The following RARB variants were observed in gnomAD, a reference collection of about 807,000 sequenced individuals.
RARB encodes HBV-activated protein.
In RARB, 17 loss-of-function variants were observed where a neutral mutation model predicts 51.9. The observed-to-expected ratio is 0.33, with a 90% CI of 0.22 to 0.49. The LOEUF (loss-of-function observed/expected upper bound fraction) is 0.49, where lower values mean the gene tolerates loss of function less well. RARB is among the 20% of genes least tolerant of loss of function. The probability of loss-of-function intolerance (pLI) is 0.99; values close to 1 mark genes in which losing one functional copy is unlikely to be tolerated. For missense variants in RARB, 369 were observed against 550.8 expected, an observed-to-expected ratio of 0.67 and a Z score of 3.30; for synonymous variants, 215 against 195.4, an observed-to-expected ratio of 1.10 and a Z score of -0.84.
chr3:25,295,142 C>T (rs1703887147), intron 5 of RARB, among the ~76,000 whole-genome samples: 2 of 152,164 alleles, frequency 1.3e-5, no homozygotes, highest in Non-Finnish European at 2.9e-5. Context: ...AGCAAGAGCT[C>T]TTAAGTACTT....
At chr3:25,088,417 G>T (rs1485796703) in intron 3 of RARB, among the ~76,000 whole-genome samples, 1 of 152,120 alleles carries the variant, frequency 6.6e-6, no homozygotes, top group Non-Finnish European at 1.5e-5. Context: ...CTTTGTTCAG[G>T]CTGAAAACTT....
At chr3:25,538,246 A>G (rs1417098708) in intron 3 of RARB, among the ~76,000 whole-genome samples, 2 of 152,198 alleles carry the variant, frequency 1.3e-5, no homozygotes, top group Non-Finnish European at 2.9e-5. Context: ...TGGGAGGTTT[A>G]CACCCATTTC....
chr3:25,548,191 A>G (rs182517518), intron 3 of RARB, among the ~76,000 whole-genome samples: 11 of 151,832 alleles, frequency 7.2e-5, no homozygotes, highest in Middle Eastern at 3.4e-3. Flanking sequence ...GACAGAATCA[A>G]TCACTGTGGT....
chr3:25,343,352 C>T (rs1035054613), intron 5 of RARB, among the ~76,000 whole-genome samples: 1 of 152,080 alleles, frequency 6.6e-6, no homozygotes, highest in African/African-American at 2.4e-5. Context: ...CAATTAAACA[C>T]TTACAGTTTT....
chr3:24,846,942 G>C (rs2125333460), intron 1 of RARB, among the ~76,000 whole-genome samples: 1 of 151,838 alleles, frequency 6.6e-6, no homozygotes, highest in East Asian at 1.9e-4. Flanking sequence ...CAGTTGTATT[G>C]ATACACAGGA....
intron 3 of RARB, among the ~76,000 whole-genome samples, chr3:25,100,264 T>G (rs564482625): frequency 6.6e-6 from 1 of 152,256 alleles, no homozygotes; most frequent in South Asian, 2.1e-4. Flanking sequence ...AGGAAATAAA[T>G]GATAAGTAAT....
At chr3:25,206,858 C>T (rs1322728008) in intron 5 of RARB, among the ~76,000 whole-genome samples, 1 of 152,136 alleles carries the variant, frequency 6.6e-6, no homozygotes, top group Admixed American at 6.6e-5. Context: ...TGATGACTAC[C>T]TGAGTGCTAG....
Position 25,261,162 on chromosome 3 carries a change from G to A in RARB, c.178+86587G>A, listed in dbSNP as rs535598613. On this transcript the variant is annotated intron_variant, in intron 5 of 11. Transcript: ENST00000383772. ...TAAATTGTAATATTTAGCACATAAT[G>A]AATACTCAAGAAGTGCTAGTTGCTA... is the stretch of plus-strand genomic sequence containing the variant. Among the ~76,000 whole-genome samples the A allele has an allele frequency of 3.3e-5, 5 of 152,210 alleles. No homozygotes were observed. In the South Asian group the frequency reaches 1.0e-3, roughly 32 times the overall value.
chr3:25,421,383 C>G (rs1398551214), intron 5 of RARB, among the ~76,000 whole-genome samples: 2 of 137,722 alleles, frequency 1.5e-5, no homozygotes, highest in Non-Finnish European at 3.1e-5. Flanking sequence ...AGACATTGCA[C>G]TAACATTTTT....
chr3:24,947,518 G>A (rs529197946), intron 2 of RARB, among the ~76,000 whole-genome samples: 4 of 152,322 alleles, frequency 2.6e-5, no homozygotes, highest in Admixed American at 1.3e-4. Flanking sequence ...GTGAGCCAAC[G>A]TCTCTTCCAC....
chr3:24,905,550 GT>G (rs1216472931), intron 2 of RARB, among the ~76,000 whole-genome samples: 1 of 152,140 alleles, frequency 6.6e-6, no homozygotes, highest in Non-Finnish European at 1.5e-5. Context: ...AGATTACTAG[GT>G]AGAGTTTTTG....
intron 5 of RARB, among the ~76,000 whole-genome samples, chr3:25,277,478 A>G (rs1559341468): frequency 1.3e-5 from 2 of 152,344 alleles, no homozygotes; most frequent in South Asian, 4.1e-4. Context: ...ATCCCAAAGT[A>G]GTGGTTCTCA....
intron 2 of RARB, among the ~76,000 whole-genome samples, chr3:24,896,152 G>C (rs925618124): frequency 6.6e-6 from 1 of 152,164 alleles, no homozygotes; most frequent in Non-Finnish European, 1.5e-5. Context: ...GAGCAACCTG[G>C]AATTGTGAAA....
intron 3 of RARB, among the ~76,000 whole-genome samples, chr3:25,552,684 T>C (rs1450769950): frequency 1.2e-4 from 18 of 152,194 alleles, no homozygotes. Flanking sequence ...GAGGAGATAA[T>C]ACTGCACCCG....
At chr3:25,508,619 C>T (rs902586168) in intron 3 of RARB, among the ~76,000 whole-genome samples, 1 of 152,106 alleles carries the variant, frequency 6.6e-6, no homozygotes, top group Non-Finnish European at 1.5e-5. Flanking sequence ...TAGTTTATTT[C>T]TTCATTTGTT....
At chr3:24,895,557 C>CTT (rs1553611655) in intron 2 of RARB, among the ~76,000 whole-genome samples, 3,489 of 130,640 alleles carry the variant, frequency 0.027, 79 homozygotes, top group Middle Eastern at 0.075. Context: ...AAAATTTACG[C>CTT]TTTTTTTTTT....
chr3:25,361,515 T>C lies in RARB; in HGVS notation c.179-99678T>C, dbSNP rs978285420. ...CAAACTCATTCTCCATCCAGTTTTT[T>C]TTCCCTTGCTGCCAAGGAGTTGTGA... On this transcript the variant is annotated intron_variant, in intron 5 of 11. Coordinates refer to the RARB transcript ENST00000383772. Among the ~76,000 whole-genome samples, 7 of 152,338 alleles carry C rather than the reference T, an allele frequency of 4.6e-5. 1 individual carries two copies. In the South Asian group the frequency reaches 1.5e-3, roughly 32 times the overall value.
intron 5 of RARB, among the ~76,000 whole-genome samples, chr3:25,318,578 G>A (rs1281036833): frequency 6.6e-6 from 1 of 152,156 alleles, no homozygotes; most frequent in Non-Finnish European, 1.5e-5. Flanking sequence ...AAGCAAGAGT[G>A]TCATTACACT....
In RARB at chr3:24,917,371, G is replaced by A. The variant is rs116657933; in HGVS notation, c.-380+58619G>A. Among the ~76,000 whole-genome samples, 222 of 152,288 alleles carry A rather than the reference G, an allele frequency of 1.5e-3. 1 individual carries two copies. The highest frequency in any genetic ancestry group is 4.7e-3 in the African/African-American group (197 of 41,556). ...CAAAATACATTAAGTAAAAAAGACA[G>A]ATCACAGGCTGTAAGAAAATATTTG... On this transcript the variant is annotated intron_variant, in intron 2 of 11. Coordinates refer to the RARB transcript ENST00000383772.
Sources: allele counts gnomAD v4.1 joint callset (sites outside exome capture counted in the v4.1 genomes callset), GRCh38; gene constraint gnomAD v4.1.1; transcripts MANE v1.5; gene names NCBI Gene and HGNC (gene_info 2026-07-23, HGNC 2026-07-21).